PTPRK: variants seen among roughly 807,000 people sequenced by gnomAD.
The protein encoded by PTPRK is protein tyrosine phosphatase receptor type K, also known as receptor-type tyrosine-protein phosphatase kappa.
In PTPRK, 75 loss-of-function variants were observed where a neutral mutation model predicts 178.0. The observed-to-expected ratio is 0.42, with a 90% CI of 0.35 to 0.51. The LOEUF (loss-of-function observed/expected upper bound fraction) is 0.51. Ranked by LOEUF, PTPRK falls within the 20% of genes least tolerant of loss-of-function variation. The probability of loss-of-function intolerance (pLI) is 0.02; values close to 1 mark genes in which losing one functional copy is unlikely to be tolerated. For missense variants in PTPRK, 1,441 were observed against 1,797.8 expected (o/e 0.80, Z 3.59); for synonymous variants, 637 against 620.6 (o/e 1.03, Z -0.39).
At chr6:128,409,040 G>C (rs895355322) in intron 1 of PTPRK, among the ~76,000 whole-genome samples, 1 of 152,150 alleles carries the variant, frequency 6.6e-6, no homozygotes, top group African/African-American at 2.4e-5. Flanking sequence ...TACAAAAATG[G>C]AAAGAAGACA....
intron 5 of PTPRK, among the ~76,000 whole-genome samples, chr6:128,232,520 A>C (rs193238698): frequency 6.6e-6 from 1 of 152,212 alleles, no homozygotes; most frequent in African/African-American, 2.4e-5. Flanking sequence ...TGTAGTTTTC[A>C]ACAGCCCTAC....
chr6:128,345,751 T>C (rs1832345844), intron 2 of PTPRK, among the ~76,000 whole-genome samples: 2 of 152,206 alleles, frequency 1.3e-5, no homozygotes, highest in Admixed American at 6.6e-5. Flanking sequence ...ATATACTACA[T>C]GCATTTGTAT....
intron 1 of PTPRK, among the ~76,000 whole-genome samples, chr6:128,473,148 AC>A (rs1166145447): frequency 1.3e-5 from 2 of 152,028 alleles, no homozygotes; most frequent in African/African-American, 4.8e-5. Context: ...TTAATGCAAA[AC>A]AGTTCTTCAG....
In PTPRK at chr6:128,509,091, T is replaced by C. The variant is rs138482146; in HGVS notation, c.100+11168A>G. Among the ~76,000 whole-genome samples the C allele has an allele frequency of 1.5e-3, 225 of 152,314 alleles. 1 individual carries two copies. The highest frequency in any genetic ancestry group is 5.1e-3 in the African/African-American group (213 of 41,562). ...ACCCGGGACATGAATCATCCCTTTG[T>C]CTAGTGTGTCCATATTGTACAGCCC... On this transcript the variant is annotated intron_variant, in intron 1 of 29. Transcript: ENST00000368226.
intron 5 of PTPRK, among the ~76,000 whole-genome samples, chr6:128,239,731 ATT>A (rs903692066): frequency 2.0e-5 from 3 of 151,974 alleles, no homozygotes; most frequent in Non-Finnish European, 4.4e-5. Flanking sequence ...AAAAAATATC[ATT>A]CTTATTCATA....
intron 1 of PTPRK, among the ~76,000 whole-genome samples, chr6:128,421,797 A>T (rs1313830486): frequency 6.6e-6 from 1 of 152,270 alleles, no homozygotes; most frequent in African/African-American, 2.4e-5. Flanking sequence ...CTCCGCAATC[A>T]ATCTAAAAGA....
chr6:128,009,102 A>G (rs1300613973), intron 14 of PTPRK, 28 bp downstream of exon 14: 13 of 1,582,370 alleles, frequency 8.2e-6, no homozygotes, highest in Non-Finnish European at 1.1e-5. Flanking sequence ...ATGGTAAGTG[A>G]GTGGGACAGG....
At chr6:128,025,481 A>G (rs1774151940) in intron 13 of PTPRK, among the ~76,000 whole-genome samples, 1 of 152,262 alleles carries the variant, frequency 6.6e-6, no homozygotes, top group Non-Finnish European at 1.5e-5. Flanking sequence ...ATAAGATCAA[A>G]TGCTGACTTA....
intron 13 of PTPRK, among the ~76,000 whole-genome samples, chr6:128,020,146 G>A (rs1028727239): frequency 4.6e-5 from 7 of 152,014 alleles, no homozygotes; most frequent in Admixed American, 3.9e-4. Flanking sequence ...TTATGCCAAA[G>A]GTAAAGGAAG....
intron 22 of PTPRK, among the ~76,000 whole-genome samples, chr6:127,985,028 C>T (rs577264809): frequency 3.9e-5 from 6 of 152,086 alleles, no homozygotes; most frequent in South Asian, 4.1e-4. Context: ...GAGGGAAGAG[C>T]GTATGAGAAT....
At chr6:128,184,887 T>C (rs928360144) in intron 6 of PTPRK, among the ~76,000 whole-genome samples, 162 bp from the exon 7 acceptor site, 1 of 152,212 alleles carries the variant, frequency 6.6e-6, no homozygotes, top group Non-Finnish European at 1.5e-5. Flanking sequence ...ACTGTACTTT[T>C]AAAGAACATA....
chr6:128,004,576 A>G (rs936392515), intron 15 of PTPRK, among the ~76,000 whole-genome samples: 1 of 151,782 alleles, frequency 6.6e-6, no homozygotes, highest in African/African-American at 2.4e-5. Context: ...GAGCATGTAG[A>G]CTAATGTTTC....
At chr6:128,178,421 G>T (rs1373822858) in intron 7 of PTPRK, among the ~76,000 whole-genome samples, 3 of 151,566 alleles carry the variant, frequency 2.0e-5, no homozygotes, top group Non-Finnish European at 2.9e-5. Context: ...AATCTCTCAT[G>T]ATTTTCCCCT....
intron 6 of PTPRK, among the ~76,000 whole-genome samples, chr6:128,204,730 A>C (rs920659399): frequency 1.3e-5 from 2 of 152,172 alleles, no homozygotes; most frequent in Admixed American, 1.3e-4. Context: ...ACCATCTCAT[A>C]TCAGTCAGAA....
intron 11 of PTPRK, among the ~76,000 whole-genome samples, chr6:128,070,866 C>T (rs1012270897): frequency 2.6e-5 from 4 of 151,450 alleles, no homozygotes; most frequent in African/African-American, 7.3e-5. Flanking sequence ...GGATAATGGA[C>T]GTTTAAGTGT....
chr6:128,344,072 G>A (rs1043599700), intron 2 of PTPRK, among the ~76,000 whole-genome samples: 5 of 152,168 alleles, frequency 3.3e-5, no homozygotes, highest in Admixed American at 3.3e-4. Context: ...CATAGAACAT[G>A]TTTATTCTAT....
intron 7 of PTPRK, among the ~76,000 whole-genome samples, chr6:128,124,443 T>C (rs954555657): frequency 2.0e-5 from 3 of 152,184 alleles, no homozygotes; most frequent in African/African-American, 7.2e-5. Flanking sequence ...GATATTCACA[T>C]TTCTGCCATG....
At chr6:128,132,393 T>C (rs1794387704) in intron 7 of PTPRK, among the ~76,000 whole-genome samples, 1 of 152,122 alleles carries the variant, frequency 6.6e-6, no homozygotes, top group Admixed American at 6.5e-5. Context: ...AGGATGGCCT[T>C]GATCTCCTGA....
At chr6:128,082,341 G>A (rs1784972033) in intron 10 of PTPRK, 96 bp downstream of exon 10, 2 of 1,156,762 alleles carry the variant, frequency 1.7e-6, no homozygotes, top group African/African-American at 1.5e-5. Context: ...CAACAAGCAA[G>A]ATGAACTACA....
Sources: gnomAD v4.1 joint callset for allele counts (sites outside exome capture counted in the v4.1 genomes callset) on GRCh38, gnomAD v4.1.1 for gene constraint, MANE v1.5 for transcripts, NCBI Gene and HGNC (gene_info 2026-07-23, HGNC 2026-07-21) for gene names.